RYR3: variants seen among roughly 807,000 people sequenced by gnomAD.
RYR3 encodes ryanodine receptor 3.
RYR3 carries 207 observed loss-of-function variants against 584.3 expected under a neutral mutation model. That is an observed-to-expected ratio of 0.35 (90% CI 0.32 to 0.40). The LOEUF (loss-of-function observed/expected upper bound fraction) is 0.40. RYR3 is among the 10% of genes least tolerant of loss of function. RYR3 has a pLI of 1.00. For synonymous variants in RYR3, 2,416 were observed against 2,248.5 expected, an observed-to-expected ratio of 1.07 and a Z score of -2.11; for missense variants, 5,616 against 6,089.2, an observed-to-expected ratio of 0.92 and a Z score of 2.59.
intron 87 of RYR3, 109 bp downstream of exon 87, chr15:33,835,181 C>G (rs2077960801): frequency 3.6e-6 from 3 of 824,592 alleles, no homozygotes; most frequent in Non-Finnish European, 5.8e-6. Flanking sequence ...GCTGGACAAG[C>G]CATGCATATT....
At chr15:33,625,300 A>T (rs897791606) in intron 20 of RYR3, among the ~76,000 whole-genome samples, 20 of 152,336 alleles carry the variant, frequency 1.3e-4, no homozygotes, top group Admixed American at 6.5e-4. Context: ...GACATGTGGG[A>T]ATTACAATTC....
intron 1 of RYR3, among the ~76,000 whole-genome samples, chr15:33,345,191 G>C (rs1175280431): frequency 6.6e-6 from 1 of 152,078 alleles, no homozygotes; most frequent in Non-Finnish European, 1.5e-5. Context: ...ATAGAACAGA[G>C]TATAAGCCTA....
intron 30 of RYR3, 97 bp downstream of exon 30, chr15:33,647,557 T>G: frequency 1.2e-6 from 1 of 832,024 alleles, no homozygotes; most frequent in Non-Finnish European, 2.0e-6. Flanking sequence ...GAGATCCTCT[T>G]TAATTGCCAA....
chr15:33,592,278 C>A (rs141603903), intron 16 of RYR3, among the ~76,000 whole-genome samples: 66 of 152,288 alleles, frequency 4.3e-4, no homozygotes, highest in African/African-American at 1.5e-3. Flanking sequence ...GCCTCACAGA[C>A]AATAAGGTAT....
intron 1 of RYR3, among the ~76,000 whole-genome samples, chr15:33,374,160 C>CA (rs1022109930): frequency 3.3e-5 from 5 of 151,916 alleles, no homozygotes; most frequent in Admixed American, 2.0e-4. Context: ...AGATGAATAA[C>CA]AAAAAAATGT....
At position 33,634,750 on chromosome 15, in the gene RYR3, G is replaced by A. The variant is rs1380140965; in HGVS notation, c.3175+17G>A. The A allele has an allele frequency of 1.7e-5, 28 of 1,611,248 alleles. No homozygotes were observed. The highest frequency in any genetic ancestry group is 2.1e-5 in the Non-Finnish European group (25 of 1,177,614). On this transcript the variant is annotated intron_variant, in intron 25 of 103. Coordinates refer to ENST00000634891, the MANE Select transcript of RYR3 (RefSeq NM_001036.6). Reference sequence around the variant, plus strand: ...AAGAACTAGGTAATGAGTTGAGAGTGTTTATTCTGGCCCCAGTTTACTAAA... The same window carrying A: ...AAGAACTAGGTAATGAGTTGAGAGTATTTATTCTGGCCCCAGTTTACTAAA...
At chr15:33,645,662 A>C (rs12439006) in intron 28 of RYR3, among the ~76,000 whole-genome samples, 1 of 152,158 alleles carries the variant, frequency 6.6e-6, no homozygotes, top group African/African-American at 2.4e-5. Flanking sequence ...AGAGGCTCAG[A>C]TTATAAGAAA....
chr15:33,488,641 A>G (rs2050694371), intron 2 of RYR3, among the ~76,000 whole-genome samples: 1 of 152,144 alleles, frequency 6.6e-6, no homozygotes, highest in African/African-American at 2.4e-5. Context: ...TCACAAGGTC[A>G]GGAGATCGAG....
chr15:33,449,279 C>T (rs2046914353), intron 1 of RYR3, among the ~76,000 whole-genome samples: 1 of 152,230 alleles, frequency 6.6e-6, no homozygotes, highest in Non-Finnish European at 1.5e-5. Context: ...CTGGTCCTCA[C>T]TGGCTGTTAA....
intron 1 of RYR3, among the ~76,000 whole-genome samples, chr15:33,362,772 C>T (rs1974958540): frequency 6.6e-6 from 1 of 152,196 alleles, no homozygotes; most frequent in Non-Finnish European, 1.5e-5. Flanking sequence ...CCATGACTGT[C>T]CTTCAGTACC....
At chr15:33,669,898 T>G (rs2063740515) in intron 37 of RYR3, among the ~76,000 whole-genome samples, 1 of 140,004 alleles carries the variant, frequency 7.1e-6, no homozygotes, top group African/African-American at 2.7e-5. Flanking sequence ...TGTGTGTGTG[T>G]GTGTGTTTAG....
intron 1 of RYR3, among the ~76,000 whole-genome samples, chr15:33,452,426 A>T (rs192501269): frequency 7.6e-4 from 116 of 152,332 alleles, no homozygotes; most frequent in African/African-American, 2.8e-3. Flanking sequence ...CATTTCTTCT[A>T]AATCTTGGCT....
At chr15:33,790,717 C>A (rs1207997939) in intron 67 of RYR3, among the ~76,000 whole-genome samples, 2 of 151,892 alleles carry the variant, frequency 1.3e-5, no homozygotes, top group Non-Finnish European at 2.9e-5. Flanking sequence ...GAGTAATCGA[C>A]ACATTTAAGG....
At chr15:33,592,585 G>A (rs905440717) in intron 16 of RYR3, among the ~76,000 whole-genome samples, 27 of 152,190 alleles carry the variant, frequency 1.8e-4, no homozygotes, top group Non-Finnish European at 3.4e-4. Flanking sequence ...CAAGTGAAGG[G>A]TGGGAAATAA....
chr15:33,644,142 G>A lies in RYR3; in HGVS notation c.3557-169G>A, dbSNP rs557803863. 2.0e-5 allele frequency among the ~76,000 whole-genome samples: 3 copies of A among 152,244 alleles called. No homozygotes were observed. In the East Asian group the frequency reaches 5.8e-4, roughly 29 times the overall value. On this transcript the variant is annotated intron_variant, in intron 27 of 103. Coordinates refer to ENST00000634891, the MANE Select transcript of RYR3 (RefSeq NM_001036.6). ...CATGGGCAGTGGTGGTCTCCATGTGGCCTCCTGTTGTTGATTTTATGTGCC... is the reference window on the plus strand; with the variant it reads ...CATGGGCAGTGGTGGTCTCCATGTGACCTCCTGTTGTTGATTTTATGTGCC...
intron 69 of RYR3, among the ~76,000 whole-genome samples, chr15:33,806,139 G>A (rs529470564): frequency 2.9e-4 from 44 of 152,144 alleles, no homozygotes; most frequent in African/African-American, 8.4e-4. Context: ...CCCATGGCCC[G>A]GGCTTGCCTT....
In RYR3 at chr15:33,628,501, C is replaced by T. The variant is rs569490682; in HGVS notation, c.2605C>T (p.Arg869Ter). 3.7e-6 allele frequency: 6 copies of T among 1,613,314 alleles called. No homozygotes were observed. The highest frequency in any genetic ancestry group is 1.7e-5 in the Admixed American group (1 of 59,984). The change falls in exon 21 of 104, where the codon CGA becomes TGA. Residue 869 changes from arginine to a stop codon, truncating the protein, a stop_gained. Transcript: ENST00000634891. LOFTEE classifies it high-confidence loss of function. ...TTTGCCACCTCACCTAGAAAAGATC[C>T]GAGACAGACTAGCTGAAAACATCCA... ...VILPPHLEKIRDRLAENIHEL... is the reference protein window; with the variant it reads ...VILPPHLEKI
At chr15:33,584,532 T>G (rs1303619475) in intron 15 of RYR3, 42 bp downstream of exon 15, 4 of 724,738 alleles carry the variant, frequency 5.5e-6, no homozygotes, top group African/African-American at 1.9e-5. Flanking sequence ...AGATGAAGGG[T>G]TTTTTTTTTC....
At chr15:33,775,548 C>G (rs1375859061) in intron 64 of RYR3, among the ~76,000 whole-genome samples, 2 of 152,176 alleles carry the variant, frequency 1.3e-5, no homozygotes, top group Non-Finnish European at 2.9e-5. Flanking sequence ...TGGTGAAACT[C>G]AGTGCATCCT....
Sources: allele counts gnomAD v4.1 joint callset (sites outside exome capture counted in the v4.1 genomes callset), GRCh38; gene constraint gnomAD v4.1.1; transcripts MANE v1.5; gene names NCBI Gene and HGNC (gene_info 2026-07-23, HGNC 2026-07-21).